KCNC3: variants seen among roughly 807,000 people sequenced by gnomAD.
The protein encoded by KCNC3 is potassium voltage-gated channel subfamily C member 3, also known as voltage-gated potassium channel KCNC3.
Under a neutral mutation model 43.9 loss-of-function variants are expected in KCNC3, and 22 were observed. The observed-to-expected ratio is 0.50, with a 90% confidence interval of 0.36 to 0.72. The LOEUF (loss-of-function observed/expected upper bound fraction) is 0.72, where lower values mean the gene tolerates loss of function less well. Among genes scored for constraint, KCNC3 ranks in the 30% least tolerant of loss-of-function variants. KCNC3 has a pLI of 0.00. For missense variants in KCNC3, 829 were observed against 1,073.8 expected (o/e 0.77, Z 3.19); for synonymous variants, 492 against 488.0 (o/e 1.01, Z -0.11).
chr19:50,320,218 C>A lies in KCNC3; in HGVS notation c.*23+5G>T. ...CCGGGGGATCAGAGGGTGGGGGCTACTTACCCCGGGGGGAGGGGGTTCGTC... is the reference window on the plus strand; with the variant it reads ...CCGGGGGATCAGAGGGTGGGGGCTAATTACCCCGGGGGGAGGGGGTTCGTC... On this transcript the variant is annotated splice_donor_5th_base_variant and intron_variant, in intron 4 of 4. Transcript: ENST00000477616. 2.5e-6 allele frequency: 1 copy of A among 398,308 alleles called. No individual in the cohort carries two copies. The highest frequency in any genetic ancestry group is 4.2e-6 in the Non-Finnish European group (1 of 240,906). 24.7% of individuals were successfully genotyped at this position (398,308 alleles called of 1,614,324 possible). A position where few individuals can be genotyped will look rare whatever the true frequency, so the allele number is the denominator to read the frequency against.
At chr19:50,325,742 G>T (rs2037096443) in intron 1 of KCNC3, among the ~76,000 whole-genome samples, 1 of 151,974 alleles carries the variant, frequency 6.6e-6, no homozygotes, top group African/African-American at 2.4e-5. Context: ...GGGGCGGGGC[G>T]CACGGCGGCC....
chr19:50,324,003 T>C lies in KCNC3; in HGVS notation c.950A>G (p.His317Arg). The C allele has an allele frequency of 6.2e-7, 1 of 1,612,180 alleles. No homozygotes were observed. Among genetic ancestry groups the C allele is most frequent in the Non-Finnish European group, 8.5e-7 (1 of 1,178,506 alleles). ...FCLETHEGFI[H>R]ISNKTVTQAS... ...CTGGGTCACCGTCTTGTTGCTAATA[T>C]GGATGAAGCCCTCATGGGTTTCCAG... The change falls in exon 2 of 5, where the codon CAT becomes CGT. Residue 317 changes from histidine (H) to arginine (R), a missense_variant. By Grantham distance (29) the His-to-Arg change is conservative (BLOSUM62 0). Around this residue, in one of 7 missense-constraint regions of KCNC3, gnomAD observed 157 missense variants for 293.5 expected, o/e 0.53. Transcript: ENST00000477616. The surrounding 1 kb of genome is among the most constrained non-coding windows in gnomAD (Gnocchi z 4.1).
chr19:50,323,690 G>A lies in KCNC3; in HGVS notation c.1263C>T (p.Ile421=), dbSNP rs756228446. The A allele has an allele frequency of 4.0e-5, 64 of 1,614,204 alleles. No homozygotes were observed. The highest frequency in any genetic ancestry group is 5.4e-5 in the Non-Finnish European group (64 of 1,180,050). ...GFLRVVRFVR[I]LRIFKLTRHF... ...GCCGGGTCAGCTTGAAGATGCGCAG[G>A]ATGCGGACGAAGCGGACCACCCGCA... The change falls in exon 2 of 5, where the codon ATC becomes ATT. Residue 421 remains isoleucine, a synonymous_variant. Transcript: ENST00000477616.
In KCNC3 at chr19:50,323,131, T is replaced by C. The variant is rs2037055831; in HGVS notation, c.1822A>G (p.Thr608Ala). 3.9e-6 allele frequency: 6 copies of C among 1,535,624 alleles called. No homozygotes were observed. The highest frequency in any genetic ancestry group is 5.2e-6 in the Non-Finnish European group (6 of 1,144,532). Residue 608 changes from threonine to alanine, a missense_variant, in exon 2 of 5, where the codon ACT becomes GCT. This residue lies in a region of KCNC3 where 308 missense variants were observed against 276.2 expected (regional missense o/e 1.11). Coordinates refer to ENST00000477616, the MANE Select transcript of KCNC3 (RefSeq NM_004977.3). ...CCCGCTGGGTAGGCCCCGGCCACAGTCACCCCCATGGAGGGTGGGGTGATG... is the reference window on the plus strand; with the variant it reads ...CCCGCTGGGTAGGCCCCGGCCACAGCCACCCCCATGGAGGGTGGGGTGATG... ...PPITPPSMGV[T>A]VAGAYPAGPH... is the part of the protein sequence containing the mutation.
At chr19:50,332,162 AG>A (rs2037196554), upstream of KCNC3, among the ~76,000 whole-genome samples, 1 of 152,128 alleles carries the variant, frequency 6.6e-6, no homozygotes. This position sits in a 1 kb window ranked among gnomAD's most constrained non-coding sequence, Gnocchi z 5.8. Flanking sequence ...GGGCTGGATG[AG>A]GCTCCTGGGC....
rs1032523084 is a variant in KCNC3, at chr19:50,313,903, C to T, written c.*2212G>A. The stretch of plus-strand genomic sequence containing the variant: ...GGAGGGAGGGTGGTTCAGGGAGCCT[C>T]TGTGTGCAGAGGTTAAGTCGCAGGA... On this transcript the variant is annotated 3_prime_UTR_variant, in exon 5 of 5. Transcript: ENST00000477616. The T allele has an allele frequency of 3.9e-5, 6 of 151,900 alleles. No individual in the cohort carries two copies. The highest frequency in any genetic ancestry group is 1.5e-4 in the African/African-American group (6 of 41,296). 9.4% of individuals were successfully genotyped at this position (151,900 alleles called of 1,614,324 possible). A position where few individuals can be genotyped will look rare whatever the true frequency, so the allele number is the denominator to read the frequency against.
rs756735139 is a variant in KCNC3, at chr19:50,328,456, G to A, written c.627C>T (p.Gly209=). ...CTGCGGCGTTGGCGGCGTTGGCGGC[G>A]CCCGCGGGGTCGGGCGCCTCGAAGG... The part of the protein sequence containing the change: ...LDSFEAPDPA[G]AANAANAAGA... The change falls in exon 1 of 5, where the codon GGC becomes GGT. Residue 209 remains glycine, a synonymous_variant. Transcript: ENST00000477616. 6.3e-7 allele frequency: 1 copy of A among 1,590,500 alleles called. No homozygotes were observed. Among genetic ancestry groups the A allele is most frequent in the Non-Finnish European group, 8.5e-7 (1 of 1,170,912 alleles).
rs1337022919 is a variant in KCNC3, at chr19:50,312,597, G to A, written c.*3518C>T. ...CTTGGGGGATGGGGTGGGAGGGGAG[G>A]AGAATCACGTTTTGTAGAAGTTTAT... On this transcript the variant is annotated 3_prime_UTR_variant, in exon 5 of 5. Coordinates refer to ENST00000477616, the MANE Select transcript of KCNC3 (RefSeq NM_004977.3). 1 of 152,228 alleles carries A rather than the reference G, an allele frequency of 6.6e-6. No individual in the cohort carries two copies. Among genetic ancestry groups the A allele is most frequent in the African/African-American group, 2.4e-5 (1 of 41,438 alleles). 9.4% of individuals were successfully genotyped at this position (152,228 alleles called of 1,614,324 possible).
At chr19:50,325,068 C>T (rs2037085476) in intron 1 of KCNC3, among the ~76,000 whole-genome samples, 1 of 152,034 alleles carries the variant, frequency 6.6e-6, no homozygotes, top group Non-Finnish European at 1.5e-5. Flanking sequence ...GGTGAAGGGT[C>T]CTGAGCCATT....
chr19:50,320,322 T>G lies in KCNC3; in HGVS notation c.2198A>C (p.Gln733Pro), dbSNP rs867883042. The G allele has an allele frequency of 2.6e-5, 8 of 311,216 alleles. No homozygotes were observed. Among genetic ancestry groups the G allele is most frequent in the Admixed American group, 6.5e-5 (1 of 15,344 alleles). 19.3% of individuals were successfully genotyped at this position (311,216 alleles called of 1,614,324 possible). A position where few individuals can be genotyped will look rare whatever the true frequency, so the allele number is the denominator to read the frequency against. Reference protein sequence around the residue: ...KATGAPPLPPQDWRKPGPPSF... With the variant: ...KATGAPPLPPPDWRKPGPPSF... ...TGGGGGGCCTGGCTTACGCCAGTCTTGGGGGGGCAGTGGGGGAGCACCAGT... is the reference window on the plus strand; with the variant it reads ...TGGGGGGCCTGGCTTACGCCAGTCTGGGGGGGGCAGTGGGGGAGCACCAGT... Residue 733 changes from glutamine to proline, a missense_variant, in exon 4 of 5, where the codon CAA becomes CCA. Transcript: ENST00000477616.
At position 50,322,526 on chromosome 19, in the gene KCNC3, T is replaced by C. The variant is rs985280062; in HGVS notation, c.1978+449A>G. Among the ~76,000 whole-genome samples, 64 of 152,174 alleles carry C rather than the reference T, an allele frequency of 4.2e-4. 1 individual carries two copies. Among genetic ancestry groups the C allele is most frequent in the Non-Finnish European group, 7.4e-5 (5 of 67,984 alleles). ...CATCTCTCTCTGGTCTCCATGACAA[T>C]CTCTCGGTTTCTGACTCCCCGCCTC... is the stretch of plus-strand genomic sequence containing the variant. On this transcript the variant is annotated intron_variant, in intron 2 of 4. Coordinates refer to ENST00000477616, the MANE Select transcript of KCNC3 (RefSeq NM_004977.3).
At position 50,323,705 on chromosome 19, in the gene KCNC3, G is replaced by A. The variant is rs745795687; in HGVS notation, c.1248C>T (p.Val416=). Residue 416 remains valine (V), a synonymous_variant, in exon 2 of 5, where the codon GTC becomes GTT. Coordinates refer to ENST00000477616, the MANE Select transcript of KCNC3 (RefSeq NM_004977.3). ...AKDVLGFLRV[V]RFVRILRIFK... Reference sequence around the variant, plus strand: ...AGATGCGCAGGATGCGGACGAAGCGGACCACCCGCAGGAAGCCCAGCACGT... The same window carrying A: ...AGATGCGCAGGATGCGGACGAAGCGAACCACCCGCAGGAAGCCCAGCACGT... The A allele has an allele frequency of 2.5e-6, 4 of 1,614,094 alleles. No individual in the cohort carries two copies. The Admixed American group carries it at 6.7e-5, about 27-fold the overall frequency.
upstream of KCNC3, chr19:50,329,574 A>G (rs1002938383): frequency 2.6e-5 from 4 of 152,264 alleles, no homozygotes; most frequent in African/African-American, 7.2e-5. Context: ...TGGGCTGAGA[A>G]AGGGGCGGAG....
At chr19:50,330,887 G>A (rs1286763061), upstream of KCNC3, among the ~76,000 whole-genome samples, 1 of 152,074 alleles carries the variant, frequency 6.6e-6, no homozygotes, top group Non-Finnish European at 1.5e-5. Flanking sequence ...TCAGGGGGCT[G>A]GGGCGGGGCC....
chr19:50,333,197 G>C (rs145610528), upstream of KCNC3, among the ~76,000 whole-genome samples: 1 of 152,242 alleles, frequency 6.6e-6, no homozygotes, highest in East Asian at 1.9e-4. Context: ...ACCCCAAGTC[G>C]AGGCGAGGTG....
intron 2 of KCNC3, among the ~76,000 whole-genome samples, chr19:50,322,114 C>G (rs2037041453): frequency 6.6e-6 from 1 of 151,816 alleles, no homozygotes; most frequent in Non-Finnish European, 1.5e-5. Flanking sequence ...CCAAGTGGCC[C>G]AGCTCCCTTT....
chr19:50,328,193 G>T lies in KCNC3; in HGVS notation c.870+20C>A, dbSNP rs2037129725. 4 of 1,110,748 alleles carry T rather than the reference G, an allele frequency of 3.6e-6. No individual in the cohort carries two copies. Among genetic ancestry groups the T allele is most frequent in the Non-Finnish European group, 4.4e-6 (4 of 912,678 alleles). The allele number at this position is 1,110,748 out of a possible 1,614,324, so 68.8% of individuals were successfully genotyped here. A position where few individuals can be genotyped will look rare whatever the true frequency, so the allele number is the denominator to read the frequency against. On this transcript the variant is annotated intron_variant, in intron 1 of 4. Transcript: ENST00000477616. ...GAGAGGCGGGGGTGGGGTGGATGGG[G>T]GCCCCGAGAGCGCGCTCACCCTGGC... is the stretch of plus-strand genomic sequence containing the variant.
chr19:50,326,721 T>C (rs1350240598), intron 1 of KCNC3, among the ~76,000 whole-genome samples: 4 of 151,642 alleles, frequency 2.6e-5, no homozygotes, highest in Non-Finnish European at 5.9e-5. Context: ...AGGAAGTTAG[T>C]AGGAGGAAAT....
chr19:50,319,736 C>T (rs1166754112), intron 4 of KCNC3, among the ~76,000 whole-genome samples: 1 of 152,080 alleles, frequency 6.6e-6, no homozygotes, highest in Non-Finnish European at 1.5e-5. Context: ...AGCGGAAGCT[C>T]CTGGGGGCAT....
Sources: gnomAD v4.1 joint callset for allele counts (sites outside exome capture counted in the v4.1 genomes callset) on GRCh38, gnomAD v4.1.1 for gene constraint, gnomAD v4.1.1 regional missense constraint, Gnocchi (gnomAD v3.1) non-coding constraint, MANE v1.5 for transcripts, NCBI Gene and HGNC (gene_info 2026-07-23, HGNC 2026-07-21) for gene names.